Variants in RBFOX1 observed in about 807,000 individuals in gnomAD.
RBFOX1 encodes RNA binding protein fox-1 homolog 1.
RBFOX1 carries 8 observed loss-of-function variants against 57.7 expected under a neutral mutation model. That is an observed-to-expected ratio of 0.14 (90% CI 0.08 to 0.25). The LOEUF is 0.25. Ranked by LOEUF, RBFOX1 falls within the 10% of genes least tolerant of loss-of-function variation. The probability of loss-of-function intolerance (pLI) is 1.00; values close to 1 mark genes in which losing one functional copy is unlikely to be tolerated. For missense variants in RBFOX1, 611 were observed against 548.5 expected, an observed-to-expected ratio of 1.11 and a Z score of -1.14; for synonymous variants, 326 against 222.4, an observed-to-expected ratio of 1.47 and a Z score of -4.15.
At chr16:7,555,225 CT>C (rs1191492552) in intron 5 of RBFOX1, among the ~76,000 whole-genome samples, 1 of 152,162 alleles carries the variant, frequency 6.6e-6, no homozygotes, top group Non-Finnish European at 1.5e-5. Flanking sequence ...CACTTTTCTC[CT>C]TTGTTAAAAG....
intron 1 of RBFOX1, among the ~76,000 whole-genome samples, chr16:6,186,212 C>G (rs1449170456): frequency 6.6e-6 from 1 of 152,090 alleles, no homozygotes; most frequent in South Asian, 2.1e-4. Context: ...GGTTCGTCAT[C>G]ATCAGTCTAA....
At chr16:6,780,521 T>G (rs2080797371) in intron 3 of RBFOX1, among the ~76,000 whole-genome samples, 1 of 111,790 alleles carries the variant, frequency 8.9e-6, no homozygotes, top group South Asian at 3.1e-4. Flanking sequence ...TATATACATT[T>G]ATATATATTT....
intron 3 of RBFOX1, among the ~76,000 whole-genome samples, chr16:5,637,091 A>C (rs2048706628): frequency 6.6e-6 from 1 of 152,206 alleles, no homozygotes; most frequent in South Asian, 2.1e-4. Flanking sequence ...TCTCTGCATC[A>C]TTAGCAGTTT....
At chr16:7,218,167 A>T (rs1036211308) in intron 4 of RBFOX1, among the ~76,000 whole-genome samples, 1 of 152,104 alleles carries the variant, frequency 6.6e-6, no homozygotes, top group Non-Finnish European at 1.5e-5. Flanking sequence ...TTCTAACCCT[A>T]TGATCCTTTG....
At chr16:5,439,125 G>A (rs748949022) in intron 1 of RBFOX1, among the ~76,000 whole-genome samples, 12 of 151,994 alleles carry the variant, frequency 7.9e-5, no homozygotes, top group Non-Finnish European at 1.0e-4. Flanking sequence ...AGCCAGCCTT[G>A]GGGAGATTTG....
At chr16:5,607,009 A>G (rs933970727) in intron 3 of RBFOX1, among the ~76,000 whole-genome samples, 13 of 152,240 alleles carry the variant, frequency 8.5e-5, no homozygotes, top group African/African-American at 2.9e-4. Flanking sequence ...TCTGGATCCA[A>G]TTTGCATTTT....
intron 2 of RBFOX1, among the ~76,000 whole-genome samples, chr16:6,617,538 G>C (rs1372635469): frequency 1.3e-5 from 2 of 152,002 alleles, no homozygotes; most frequent in Admixed American, 6.5e-5. Flanking sequence ...ATGAGATCAA[G>C]ATGGCCATGT....
chr16:5,249,697 G>A (rs1199352141), intron 1 of RBFOX1, among the ~76,000 whole-genome samples: 9 of 152,166 alleles, frequency 5.9e-5, no homozygotes, highest in Non-Finnish European at 1.3e-4. Context: ...GACCAGGTGT[G>A]GTGGCTCACA....
At chr16:7,365,558 C>G (rs1195399169) in intron 4 of RBFOX1, among the ~76,000 whole-genome samples, 4 of 152,284 alleles carry the variant, frequency 2.6e-5, no homozygotes, top group East Asian at 1.9e-4. Context: ...TAGAGTGATG[C>G]TGCTGACATC....
intron 1 of RBFOX1, among the ~76,000 whole-genome samples, chr16:5,301,086 G>A (rs2063790613): frequency 6.6e-6 from 1 of 152,184 alleles, no homozygotes; most frequent in South Asian, 2.1e-4. Flanking sequence ...TGACTCACTT[G>A]TAATGAATAG....
chr16:6,693,591 C>T (rs1459032389), intron 3 of RBFOX1, among the ~76,000 whole-genome samples: 1 of 151,686 alleles, frequency 6.6e-6, no homozygotes, highest in Non-Finnish European at 1.5e-5. Context: ...TCATCATCCT[C>T]CACTACCATC....
chr16:6,768,059 T>C (rs1482952927), intron 3 of RBFOX1, among the ~76,000 whole-genome samples: 2 of 151,426 alleles, frequency 1.3e-5, no homozygotes, highest in Non-Finnish European at 2.9e-5. Context: ...GCTAGTGAAT[T>C]TTCTCCCTTA....
At chr16:7,383,030 C>T (rs903245351) in intron 4 of RBFOX1, among the ~76,000 whole-genome samples, 1 of 151,906 alleles carries the variant, frequency 6.6e-6, no homozygotes, top group Non-Finnish European at 1.5e-5. Context: ...CAGAAAATGC[C>T]TAAAGAGTAG....
chr16:5,724,945 C>A (rs971692069), intron 3 of RBFOX1, among the ~76,000 whole-genome samples: 7 of 152,172 alleles, frequency 4.6e-5, no homozygotes, highest in Non-Finnish European at 8.8e-5. Context: ...CAGTCTGCGA[C>A]TGGGGAAGGG....
chr16:7,703,995 A>G (rs532683520), intron 14 of RBFOX1, among the ~76,000 whole-genome samples: 2 of 152,182 alleles, frequency 1.3e-5, no homozygotes, highest in Non-Finnish European at 2.9e-5. Context: ...AATCTCCTCT[A>G]TCTGTAGGTG....
rs1652589039 is a variant in RBFOX1 at position 7,187,688 on chromosome 16, CACA to C, written c.27+135592_27+135594del. ...TGGGCAACAGAATGAGACTCTGTCT[CACA>C]AAAAAAAAAAAAAAAAAAAAAAAAA... On this transcript the variant is annotated intron_variant, in intron 4 of 15. Coordinates refer to ENST00000550418, the MANE Select transcript of RBFOX1 (RefSeq NM_018723.4). 2.5e-4 allele frequency among the ~76,000 whole-genome samples: 11 copies of C among 43,236 alleles called. 1 individual carries two copies. The highest frequency in any genetic ancestry group is 8.2e-4 in the African/African-American group (11 of 13,454). 28.4% of individuals were successfully genotyped at this position (43,236 alleles called of 152,430 possible). A position where few individuals can be genotyped will look rare whatever the true frequency, so the allele number is the denominator to read the frequency against.
intron 3 of RBFOX1, among the ~76,000 whole-genome samples, chr16:6,965,486 G>T (rs144168897): frequency 3.3e-5 from 5 of 151,968 alleles, no homozygotes; most frequent in African/African-American, 9.7e-5. Context: ...ACAGGCGTGC[G>T]CCACCATGCC....
chr16:7,693,233 C>A, intron 14 of RBFOX1: 4 of 1,170,058 alleles, frequency 3.4e-6, no homozygotes, highest in Non-Finnish European at 3.9e-6. Context: ...TCCCTCCCCT[C>A]ATCTGTACAC....
chr16:6,624,494 C>G (rs17721053), intron 2 of RBFOX1, among the ~76,000 whole-genome samples: 37,487 of 152,012 alleles, frequency 0.25, 4,771 homozygotes, highest in Admixed American at 0.32. Context: ...ATCTACCTAA[C>G]AGAACATACC....
Sources: allele counts gnomAD v4.1 joint callset (sites outside exome capture counted in the v4.1 genomes callset), GRCh38; gene constraint gnomAD v4.1.1; transcripts MANE v1.5; gene names NCBI Gene and HGNC (gene_info 2026-07-23, HGNC 2026-07-21).